RBM38: variants seen among roughly 807,000 people sequenced by gnomAD.
The protein encoded by RBM38 is RNA binding motif protein 38.
RBM38 carries 11 observed loss-of-function variants against 23.5 expected under a neutral mutation model. That is an observed-to-expected ratio of 0.47 (90% CI 0.29 to 0.77). The LOEUF is 0.77. Ranked by LOEUF, RBM38 falls within the 30% of genes least tolerant of loss-of-function variation. RBM38 has a pLI of 0.08. For missense variants in RBM38, 330 were observed against 351.9 expected, an observed-to-expected ratio of 0.94 and a Z score of 0.50; for synonymous variants, 165 against 166.1, an observed-to-expected ratio of 0.99 and a Z score of 0.05.
chr20:57,399,748 G>A (rs1229042020), intron 3 of RBM38, among the ~76,000 whole-genome samples: 2 of 152,172 alleles, frequency 1.3e-5, no homozygotes, highest in African/African-American at 4.8e-5. Context: ...GGGATTCCCG[G>A]GAGGCAGGGC....
Position 57,407,752 on chromosome 20 carries a change from C to A in RBM38, c.626C>A (p.Ala209Asp). 1.2e-6 allele frequency: 2 copies of A among 1,610,412 alleles called. No homozygotes were observed. Among genetic ancestry groups the A allele is most frequent in the Non-Finnish European group, 1.7e-6 (2 of 1,179,362 alleles). Residue 209 changes from alanine (A) to aspartate (D), a missense_variant, in exon 4 of 4, where the codon GCC becomes GAC. Ala to Asp is a moderately radical substitution (Grantham distance 126). This residue lies in a region of RBM38 where 227 missense variants were observed against 216.4 expected (regional missense o/e 1.05). Transcript: ENST00000356208. This position sits in a 1 kb window ranked among gnomAD's most constrained non-coding sequence, Gnocchi z 4.0. The stretch of plus-strand genomic sequence containing the variant: ...AGCTTCGTGGGCTACAGCTACCCTG[C>A]CGCCGTGCCCCAGGCCCTCTCAGCC... ...AASFVGYSYP[A>D]AVPQALSAAA...
At position 57,393,010 on chromosome 20, in the gene RBM38, C is replaced by T. The variant is rs373693242; in HGVS notation, c.361+233C>T. 1.8e-5 allele frequency: 12 copies of T among 677,680 alleles called. No homozygotes were observed. In the East Asian group the frequency reaches 1.9e-4, roughly 11 times the overall value. The allele number at this position is 677,680 out of a possible 1,614,324, so 42.0% of individuals were successfully genotyped here. On this transcript the variant is annotated intron_variant, in intron 2 of 3. Transcript: ENST00000356208. ...AGGGAGGGTACTGCACCCCAGTTGC[C>T]AGCTGTCCTCGCAGGAGGGAGGAAG...
chr20:57,403,770 C>G (rs370214612), intron 3 of RBM38, among the ~76,000 whole-genome samples: 2 of 152,164 alleles, frequency 1.3e-5, no homozygotes, highest in Non-Finnish European at 2.9e-5. Flanking sequence ...TACAGGCTCC[C>G]GCCACCACAC....
chr20:57,392,245 A>G, intron 1 of RBM38: 1 of 379,938 alleles, frequency 2.6e-6, no homozygotes, highest in Non-Finnish European at 4.9e-6. Context: ...CATCAGCTTA[A>G]GTAAAAACGT....
At chr20:57,396,137 T>C (rs2067272941) in intron 3 of RBM38, among the ~76,000 whole-genome samples, 1 of 152,266 alleles carries the variant, frequency 6.6e-6, no homozygotes, top group Non-Finnish European at 1.5e-5. Context: ...CAAAGAACTT[T>C]ACACTTTATG....
intron 3 of RBM38, among the ~76,000 whole-genome samples, chr20:57,398,249 C>T (rs965455676): frequency 4.0e-5 from 6 of 149,020 alleles, no homozygotes; most frequent in Non-Finnish European, 9.0e-5. Context: ...CAGGTGATGG[C>T]GTGTGTGTGT....
At chr20:57,399,298 A>C (rs867640584) in intron 3 of RBM38, among the ~76,000 whole-genome samples, 51 of 152,110 alleles carry the variant, frequency 3.4e-4, no homozygotes, top group Non-Finnish European at 7.2e-4. Context: ...TTTTGTTTTC[A>C]GAGTGTTTTT....
At chr20:57,403,722 A>G (rs998592376) in intron 3 of RBM38, among the ~76,000 whole-genome samples, 2 of 152,158 alleles carry the variant, frequency 1.3e-5, no homozygotes, top group African/African-American at 4.8e-5. Context: ...TCTGGTTTCA[A>G]GCGATTCTCC....
intron 1 of RBM38, 34 bp downstream of exon 1, chr20:57,391,852 C>T (rs1452266663): frequency 3.4e-6 from 5 of 1,455,680 alleles, no homozygotes; most frequent in African/African-American, 1.5e-5. Context: ...CCGCACCCCG[C>T]CGCACACCTT....
At chr20:57,402,906 T>C (rs1449142605) in intron 3 of RBM38, among the ~76,000 whole-genome samples, 1 of 152,246 alleles carries the variant, frequency 6.6e-6, no homozygotes, top group Non-Finnish European at 1.5e-5. Flanking sequence ...GCAGTGAGGA[T>C]CCCTTGTCTT....
chr20:57,400,101 G>A (rs1009756396), intron 3 of RBM38: 5 of 425,890 alleles, frequency 1.2e-5, no homozygotes, highest in Non-Finnish European at 2.3e-5. Flanking sequence ...TGTCTTGGGG[G>A]CAATCTGTTG....
In RBM38 at chr20:57,407,510, T is replaced by G; in HGVS notation, c.417-33T>G. The stretch of plus-strand genomic sequence containing the variant: ...TCCCAGCTGTATTCCCCAACTCCGT[T>G]CTGGCCCTAACCTGCTCTGCTTGGC... On this transcript the variant is annotated intron_variant, in intron 3 of 3. Transcript: ENST00000356208. This position sits in a 1 kb window ranked among gnomAD's most constrained non-coding sequence, Gnocchi z 4.0. The G allele has an allele frequency of 1.2e-6, 2 of 1,604,074 alleles. No individual in the cohort carries two copies. Among genetic ancestry groups the G allele is most frequent in the Non-Finnish European group, 1.7e-6 (2 of 1,172,964 alleles).
At chr20:57,399,953 GTCC>G (rs754023555) in intron 3 of RBM38, 11 of 456,236 alleles carry the variant, frequency 2.4e-5, no homozygotes, top group South Asian at 1.7e-4. Flanking sequence ...CAGAAAATGA[GTCC>G]TCCTGGGCCG....
chr20:57,393,483 C>T (rs2067242297), intron 3 of RBM38, 150 bp downstream of exon 3: 2 of 897,638 alleles, frequency 2.2e-6, no homozygotes, highest in African/African-American at 1.6e-5. Context: ...AGGCAGATTG[C>T]ACTTCTCCAT....
At chr20:57,392,931 C>T (rs1335490862) in intron 2 of RBM38, 154 bp downstream of exon 2, 6 of 1,048,378 alleles carry the variant, frequency 5.7e-6, no homozygotes, top group African/African-American at 3.2e-5. Flanking sequence ...ATCCCCCCCT[C>T]GAGGATCTAG....
At chr20:57,405,664 C>T (rs777368635) in intron 3 of RBM38, among the ~76,000 whole-genome samples, 20 of 152,194 alleles carry the variant, frequency 1.3e-4, no homozygotes, top group African/African-American at 3.4e-4. Flanking sequence ...TGGTTTCCAC[C>T]GTTGCTGTAG....
rs1216948962 is a variant in RBM38 at position 57,391,707 on chromosome 20, G to T, written c.126G>T (p.Pro42=). ...TFTKIFVGGL[P]YHTTDASLRK... is the part of the protein sequence containing the mutation. ...CCAAGATCTTCGTGGGCGGCCTGCC[G>T]TACCACACTACCGACGCCTCGCTCA... The change falls in exon 1 of 4, where the codon CCG becomes CCT. Residue 42 remains proline (P), a synonymous_variant. Transcript: ENST00000356208. 1 of 1,528,480 alleles carries T rather than the reference G, an allele frequency of 6.5e-7. No homozygotes were observed. The highest frequency in any genetic ancestry group is 8.8e-7 in the Non-Finnish European group (1 of 1,136,138). 94.7% of individuals were successfully genotyped at this position (1,528,480 alleles called of 1,614,324 possible).
intron 1 of RBM38, among the ~76,000 whole-genome samples, chr20:57,392,042 A>ACCCCCC (rs1568804309): frequency 3.1e-4 from 3 of 9,824 alleles, no homozygotes; most frequent in Non-Finnish European, 6.5e-4. Context: ...CCCCACCCCC[A>ACCCCCC]CCCCCGGTTT....
intron 3 of RBM38, chr20:57,399,956 C>T (rs1245796573): frequency 2.2e-6 from 1 of 456,296 alleles, no homozygotes; most frequent in East Asian, 6.9e-5. Flanking sequence ...AAAATGAGTC[C>T]TCCTGGGCCG....
Sources: gnomAD v4.1 joint callset for allele counts (sites outside exome capture counted in the v4.1 genomes callset) on GRCh38, gnomAD v4.1.1 for gene constraint, gnomAD v4.1.1 regional missense constraint, Gnocchi (gnomAD v3.1) non-coding constraint, MANE v1.5 for transcripts, NCBI Gene and HGNC (gene_info 2026-07-23, HGNC 2026-07-21) for gene names.